GGA2: variants seen among roughly 807,000 people sequenced by gnomAD.
GGA2 encodes ADP-ribosylation factor-binding protein GGA2.
In GGA2, 48 loss-of-function variants were observed where a neutral mutation model predicts 79.5. The observed-to-expected ratio is 0.60, with a 90% confidence interval of 0.48 to 0.77. The LOEUF (loss-of-function observed/expected upper bound fraction) is 0.77. GGA2 is among the 30% of genes least tolerant of loss of function. GGA2 has a pLI of 0.00. For missense variants in GGA2, 770 were observed against 774.0 expected (o/e 0.99, Z 0.06); for synonymous variants, 317 against 302.0 (o/e 1.05, Z -0.51).
At chr16:23,493,926 A>C (rs764657286) in intron 3 of GGA2, 7 of 304,242 alleles carry the variant, frequency 2.3e-5, no homozygotes, top group African/African-American at 4.2e-5. Context: ...ACTCAAACAT[A>C]TACAAAGACC....
At chr16:23,473,384 T>A (rs1045447407) in intron 14 of GGA2, among the ~76,000 whole-genome samples, 1 of 125,058 alleles carries the variant, frequency 8.0e-6, no homozygotes, top group East Asian at 2.8e-4. Context: ...TTGCTCAGAC[T>A]GAAGCGCAGT....
At position 23,479,125 on chromosome 16, in the gene GGA2, G is replaced by C. The variant is rs1220535418; in HGVS notation, c.1130-214C>G. On this transcript the variant is annotated intron_variant, in intron 11 of 16. Transcript: ENST00000309859. Reference sequence around the variant, plus strand: ...AGAACACCTGATTCCCTTGGCAGCAGGTATGTGCTCCCCAAGGGAACCAGC... The same window carrying C: ...AGAACACCTGATTCCCTTGGCAGCACGTATGTGCTCCCCAAGGGAACCAGC... 2.5e-5 allele frequency: 15 copies of C among 593,614 alleles called. No individual in the cohort carries two copies. In the East Asian group the frequency reaches 4.3e-4, roughly 17 times the overall value. The allele number at this position is 593,614 out of a possible 1,614,324, so 36.8% of individuals were successfully genotyped here. A position where few individuals can be genotyped will look rare whatever the true frequency, so the allele number is the denominator to read the frequency against.
chr16:23,500,265 G>A (rs1964906028), intron 1 of GGA2, among the ~76,000 whole-genome samples: 1 of 152,238 alleles, frequency 6.6e-6, no homozygotes, highest in Non-Finnish European at 1.5e-5. Context: ...TAAGTGCTGA[G>A]CTCTGCAGAC....
At chr16:23,504,487 T>C (rs1245221775) in intron 1 of GGA2, among the ~76,000 whole-genome samples, 2 of 152,210 alleles carry the variant, frequency 1.3e-5, no homozygotes, top group Non-Finnish European at 2.9e-5. Flanking sequence ...TGGCTGGACA[T>C]ACTGATAACA....
rs149724323 is a variant in GGA2 at position 23,475,083 on chromosome 16, C to G, written c.1293-22G>C. The G allele has an allele frequency of 2.0e-6, 3 of 1,493,944 alleles. No homozygotes were observed. The East Asian group carries it at 6.9e-5, about 34-fold the overall frequency. The allele number at this position is 1,493,944 out of a possible 1,614,324, so 92.5% of individuals were successfully genotyped here. A position where few individuals can be genotyped will look rare whatever the true frequency, so the allele number is the denominator to read the frequency against. On this transcript the variant is annotated intron_variant, in intron 13 of 16. Coordinates refer to ENST00000309859, the MANE Select transcript of GGA2 (RefSeq NM_015044.4). ...ATTCCTACAAAGAAATAAAAAATAT[C>G]AAAGACTAGCAAAAATTGTAGCGAT...
At chr16:23,482,860 C>T in intron 9 of GGA2, 63 bp downstream of exon 9, 1 of 949,930 alleles carries the variant, frequency 1.1e-6, no homozygotes, top group South Asian at 1.3e-5. Context: ...AGCAGTGTGA[C>T]AGGAGGGACC....
chr16:23,478,674 A>G (rs1465896133), intron 12 of GGA2, 173 bp from the exon 13 acceptor site: 1 of 754,058 alleles, frequency 1.3e-6, no homozygotes, highest in East Asian at 2.6e-5. Flanking sequence ...TCCTGGGCAG[A>G]CCTCCAGGAA....
chr16:23,498,042 G>A (rs755849463), intron 1 of GGA2, among the ~76,000 whole-genome samples: 43 of 152,190 alleles, frequency 2.8e-4, no homozygotes, highest in Non-Finnish European at 4.3e-4. Flanking sequence ...CACTTTGGGA[G>A]GCCGAGGAGG....
chr16:23,510,231 C>A (rs1283796273), intron 1 of GGA2, 90 bp downstream of exon 1: 8 of 827,786 alleles, frequency 9.7e-6, no homozygotes, highest in South Asian at 5.9e-5. Flanking sequence ...CCCCTGCGGC[C>A]GCCCGCCCCG....
At position 23,465,100 on chromosome 16, in the gene GGA2, G is replaced by A. The variant is rs1176982782; in HGVS notation, c.*2490C>T. On this transcript the variant is annotated 3_prime_UTR_variant, in exon 17 of 17. Transcript: ENST00000309859. ...CATCATGAATTTGCTTCTCCCCAGA[G>A]GAAAAGAAGCTCCTTCAGGGTGGTG... 7.0e-6 allele frequency: 4 copies of A among 568,318 alleles called. No homozygotes were observed. Among genetic ancestry groups the A allele is most frequent in the African/African-American group, 5.6e-5 (3 of 53,360 alleles). 35.2% of individuals were successfully genotyped at this position (568,318 alleles called of 1,614,324 possible). A position where few individuals can be genotyped will look rare whatever the true frequency, so the allele number is the denominator to read the frequency against.
At chr16:23,522,443 CTAGT>C (rs1392533610), upstream of GGA2, 1 of 152,320 alleles carries the variant, frequency 6.6e-6, no homozygotes, top group Admixed American at 6.5e-5. Context: ...GCTCCTGTAG[CTAGT>C]TCCTGTCTTT....
At chr16:23,495,628 G>A in intron 2 of GGA2, 66 bp downstream of exon 2, 1 of 881,596 alleles carries the variant, frequency 1.1e-6, no homozygotes, top group East Asian at 2.5e-5. Context: ...AGTCTTGAGA[G>A]ACAAAGGCCT....
chr16:23,467,200 T>G lies in GGA2; in HGVS notation c.*390A>C. 5.5e-6 allele frequency: 1 copy of G among 181,294 alleles called. No homozygotes were observed. The highest frequency in any genetic ancestry group is 1.2e-5 in the Non-Finnish European group (1 of 86,028). The allele number at this position is 181,294 out of a possible 1,614,324, so 11.2% of individuals were successfully genotyped here. On this transcript the variant is annotated 3_prime_UTR_variant, in exon 17 of 17. Transcript: ENST00000309859. ...TTTCAAAGGCTGACAAGGCACAGAGTGGATGAATGGAACGAACGATACATG... is the reference window on the plus strand; with the variant it reads ...TTTCAAAGGCTGACAAGGCACAGAGGGGATGAATGGAACGAACGATACATG...
At position 23,463,970 on chromosome 16, in the gene GGA2, A is replaced by AAAAC. The variant is rs1218965965; in HGVS notation, c.*3616_*3619dup. 1 of 152,264 alleles carries AAAAC rather than the reference A, an allele frequency of 6.6e-6. No individual in the cohort carries two copies. The highest frequency in any genetic ancestry group is 2.4e-5 in the African/African-American group (1 of 41,464). 9.4% of individuals were successfully genotyped at this position (152,264 alleles called of 1,614,324 possible). On this transcript the variant is annotated 3_prime_UTR_variant, in exon 17 of 17. Transcript: ENST00000309859. ...CAACAGAGCAAAGCCCTGTCTCAAGAAAACAAACAAACCCACTTTTATACT... is the reference window on the plus strand; with the variant it reads ...CAACAGAGCAAAGCCCTGTCTCAAGAAAACAAACAAACAAACCCACTTTTATACT...
chr16:23,523,461 G>C (rs1965173766), upstream of GGA2: 1 of 152,240 alleles, frequency 6.6e-6, no homozygotes, highest in Non-Finnish European at 1.5e-5. Context: ...GGAGACACAG[G>C]CTGCCCCAAG....
At chr16:23,507,831 T>A (rs1596997081) in intron 1 of GGA2, among the ~76,000 whole-genome samples, 1 of 151,292 alleles carries the variant, frequency 6.6e-6, no homozygotes, top group East Asian at 2.0e-4. Context: ...TAAAAATACA[T>A]TTAAAAAAAG....
rs1965147567 is a variant in GGA2 at position 23,521,971 on chromosome 16, C to T, written c.-171G>A. On this transcript the variant is annotated 5_prime_UTR_variant, in exon 1 of 6. Coordinates refer to the GGA2 transcript ENST00000569300. ...AGTTTTAGTTAACTTTTCAGAACCTCGGTTTCCATATCTGTAACAGAAAAA... is the reference window on the plus strand; with the variant it reads ...AGTTTTAGTTAACTTTTCAGAACCTTGGTTTCCATATCTGTAACAGAAAAA... 4 of 366,850 alleles carry T rather than the reference C, an allele frequency of 1.1e-5. No individual in the cohort carries two copies. In the East Asian group the frequency reaches 2.2e-4, roughly 20 times the overall value. The allele number at this position is 366,850 out of a possible 1,614,324, so 22.7% of individuals were successfully genotyped here. A position where few individuals can be genotyped will look rare whatever the true frequency, so the allele number is the denominator to read the frequency against.
At chr16:23,491,165 G>A (rs1311575320) in intron 5 of GGA2, among the ~76,000 whole-genome samples, 3 of 151,960 alleles carry the variant, frequency 2.0e-5, no homozygotes, top group Non-Finnish European at 2.9e-5. Flanking sequence ...AAATTAGTTG[G>A]GTATGGTGGC....
At chr16:23,486,236 T>C in intron 7 of GGA2, 84 bp from the exon 8 acceptor site, 1 of 1,269,132 alleles carries the variant, frequency 7.9e-7, no homozygotes. Context: ...GAGTCACTAT[T>C]GAGAGAGCTC....
Sources: gnomAD v4.1 joint callset for allele counts (sites outside exome capture counted in the v4.1 genomes callset) on GRCh38, gnomAD v4.1.1 for gene constraint, MANE v1.5 for transcripts, NCBI Gene and HGNC (gene_info 2026-07-23, HGNC 2026-07-21) for gene names.